EFHB: variants seen among roughly 807,000 people sequenced by gnomAD.
EFHB encodes the protein EF-hand domain family member B, also known as EF-hand domain-containing family member B.
In EFHB, 91 loss-of-function variants were observed where a neutral mutation model predicts 87.2. That is an observed-to-expected ratio of 1.04 (90% CI 0.88 to 1.24). The LOEUF is 1.24. EFHB is among the 50% of genes most tolerant of loss of function. EFHB has a pLI of 0.00. For synonymous variants in EFHB, 325 were observed against 333.6 expected, an observed-to-expected ratio of 0.97 and a Z score of 0.28; for missense variants, 1,084 against 998.8, an observed-to-expected ratio of 1.09 and a Z score of -1.15.
At chr3:19,944,186 G>T (rs1407934808) in intron 1 of EFHB, among the ~76,000 whole-genome samples, 1 of 152,184 alleles carries the variant, frequency 6.6e-6, no homozygotes, top group East Asian at 1.9e-4. Flanking sequence ...AAAAGTAAAT[G>T]TAACCATTCA....
upstream of EFHB, among the ~76,000 whole-genome samples, chr3:19,935,157 G>A (rs376974358): frequency 7.5e-4 from 114 of 152,184 alleles, 3 homozygotes; most frequent in South Asian, 0.021. Flanking sequence ...GTGATCCACC[G>A]CCTCGGCCTT....
At chr3:19,918,979 C>CAAAAAAA (rs11356910) in intron 3 of EFHB, among the ~76,000 whole-genome samples, 3 of 75,984 alleles carry the variant, frequency 3.9e-5, no homozygotes, top group Admixed American at 1.6e-4. Flanking sequence ...GACTCAGTCT[C>CAAAAAAA]AAAAAAAAAA....
exon 1 of EFHB, chr3:19,946,967 T>A (rs1696305523): frequency 6.5e-6 from 1 of 152,926 alleles, no homozygotes; most frequent in Non-Finnish European, 1.5e-5. Context: ...TCTGAGCCAC[T>A]CGCAGGGTCA....
chr3:19,924,180 T>C (rs1384940528), intron 1 of EFHB, among the ~76,000 whole-genome samples: 1 of 152,110 alleles, frequency 6.6e-6, no homozygotes, highest in Non-Finnish European at 1.5e-5. Context: ...TTAATTGCAT[T>C]ATACTGCAAG....
rs1695188360 is a variant in EFHB at position 19,915,265 on chromosome 3, CA to C, written c.1288+37del. On this transcript the variant is annotated intron_variant, in intron 5 of 12. Transcript: ENST00000295824. ...TTCCTCTTCACAAATCCGAGAGTCC[CA>C]TATCCTCAGGCCCATTTTGCATCGG... 4 of 1,396,770 alleles carry C rather than the reference CA, an allele frequency of 2.9e-6. No individual in the cohort carries two copies. In the South Asian group the frequency reaches 3.6e-5, roughly 13 times the overall value. The allele number at this position is 1,396,770 out of a possible 1,614,324, so 86.5% of individuals were successfully genotyped here. A position where few individuals can be genotyped will look rare whatever the true frequency, so the allele number is the denominator to read the frequency against.
chr3:19,922,411 ACT>A (rs1695467111), intron 1 of EFHB, among the ~76,000 whole-genome samples: 1 of 152,164 alleles, frequency 6.6e-6, no homozygotes, highest in Non-Finnish European at 1.5e-5. Context: ...CTTCACACAA[ACT>A]CTCAACCCCT....
At chr3:19,905,816 A>G (rs566303955) in intron 5 of EFHB, 67 bp from the exon 6 acceptor site, 200 of 1,513,762 alleles carry the variant, frequency 1.3e-4, no homozygotes, top group Non-Finnish European at 1.6e-4. Flanking sequence ...CAAGATGCAC[A>G]CTATGTTCTC....
chr3:19,934,761 A>G (rs6550227), upstream of EFHB, among the ~76,000 whole-genome samples: 53,493 of 151,922 alleles, frequency 0.35, 9,849 homozygotes, highest in East Asian at 0.67. Flanking sequence ...TTCCTTGTCC[A>G]AGTACCTCCG....
At chr3:19,938,007 G>A (rs1696062358), upstream of EFHB, among the ~76,000 whole-genome samples, 1 of 152,182 alleles carries the variant, frequency 6.6e-6, no homozygotes. Context: ...GGGCTTAGTA[G>A]TGAGAGAGGT....
intron 10 of EFHB, 130 bp from the exon 11 acceptor site, chr3:19,884,745 A>G: frequency 1.3e-6 from 1 of 781,726 alleles, no homozygotes; most frequent in Non-Finnish European, 2.0e-6. Flanking sequence ...TGACCCCTCC[A>G]CTGACCCAAC....
chr3:19,928,769 A>AT (rs1208356913), intron 1 of EFHB, among the ~76,000 whole-genome samples: 3 of 151,942 alleles, frequency 2.0e-5, no homozygotes, highest in East Asian at 1.9e-4. Context: ...TTAATATTGT[A>AT]TTTTTTTTCT....
chr3:19,899,580 A>G (rs1300635936), intron 6 of EFHB, 65 bp from the exon 7 acceptor site: 10 of 1,244,372 alleles, frequency 8.0e-6, no homozygotes, highest in East Asian at 2.5e-5. Flanking sequence ...CCAAATATAC[A>G]TAAGGCGAAG....
intron 9 of EFHB, chr3:19,896,458 T>C (rs1023955804): frequency 2.9e-5 from 18 of 612,058 alleles, no homozygotes; most frequent in Non-Finnish European, 4.4e-5. Flanking sequence ...TTGAAGGCCA[T>C]ACAGTTTTTG....
intron 5 of EFHB, among the ~76,000 whole-genome samples, chr3:19,910,338 C>T (rs1695011561): frequency 1.3e-5 from 2 of 151,874 alleles, no homozygotes; most frequent in Non-Finnish European, 2.9e-5. Flanking sequence ...CCTGGGGTGG[C>T]GGTGGCTACC....
chr3:19,899,164 A>C (rs776810176), intron 7 of EFHB, among the ~76,000 whole-genome samples: 1 of 152,340 alleles, frequency 6.6e-6, no homozygotes, highest in Non-Finnish European at 1.5e-5. Flanking sequence ...ATATAAACAC[A>C]GTAAGTTAAA....
chr3:19,898,837 T>C lies in EFHB; in HGVS notation c.1511A>G (p.Glu504Gly), dbSNP rs745360788. 1.1e-5 allele frequency: 18 copies of C among 1,613,642 alleles called. No individual in the cohort carries two copies. Among genetic ancestry groups the C allele is most frequent in the Non-Finnish European group, 1.4e-5 (17 of 1,179,780 alleles). Residue 504 changes from glutamate to glycine, a missense_variant, in exon 8 of 13, where the codon GAA becomes GGA. By Grantham distance (98) the Glu-to-Gly change is moderately conservative. Transcript: ENST00000295824. ...GCAGTCTGGGGGAACATTCATTGTT[T>C]CTGCAATGCTATCAAAGAAAACAAA... ...KLGRVLDPIAETMNVPPDCTF... is the reference protein window; with the variant it reads ...KLGRVLDPIAGTMNVPPDCTF...
chr3:19,921,842 C>T (rs576447294), intron 1 of EFHB, among the ~76,000 whole-genome samples: 36 of 152,140 alleles, frequency 2.4e-4, no homozygotes, highest in African/African-American at 6.5e-4. Flanking sequence ...TCTCTCTATA[C>T]TTAGGATACG....
intron 1 of EFHB, chr3:19,943,109 C>T (rs1013047165): frequency 1.6e-5 from 4 of 248,080 alleles, no homozygotes; most frequent in Non-Finnish European, 8.6e-6. Context: ...TCAGATTTGG[C>T]ATCAAAAACT....
At position 19,886,534 on chromosome 3, in the gene EFHB, G is replaced by A. The variant is rs577690589; in HGVS notation, c.1933+1910C>T. Reference sequence around the variant, plus strand: ...TGAGGAGGGAGGATCCCTCAAGCCAGGAGTTCACAACCAGCCTGGGCAACA... The same window carrying A: ...TGAGGAGGGAGGATCCCTCAAGCCAAGAGTTCACAACCAGCCTGGGCAACA... On this transcript the variant is annotated intron_variant, in intron 10 of 12. Transcript: ENST00000295824. Among the ~76,000 whole-genome samples the A allele has an allele frequency of 2.6e-4, 39 of 152,118 alleles. No homozygotes were observed. In the South Asian group the frequency reaches 7.7e-3, roughly 30 times the overall value.
Sources: allele counts gnomAD v4.1 joint callset (sites outside exome capture counted in the v4.1 genomes callset), GRCh38; gene constraint gnomAD v4.1.1; transcripts MANE v1.5; gene names NCBI Gene and HGNC (gene_info 2026-07-23, HGNC 2026-07-21).